The following CERS4 variants were observed in gnomAD, a reference collection of about 807,000 sequenced individuals.
The protein encoded by CERS4 is LAG1 homolog, ceramide synthase 4.
A neutral mutation model predicts 51.8 loss-of-function variants in CERS4; 65 were observed. The ratio of observed to expected loss-of-function variants is 1.26; its 90% confidence interval spans 1.03 to 1.54. The LOEUF is 1.54. CERS4 is among the 40% of genes most tolerant of loss of function. CERS4 has a pLI of 0.00. For synonymous variants in CERS4, 228 were observed against 208.4 expected (o/e 1.09, Z -0.81); for missense variants, 563 against 500.4 (o/e 1.13, Z -1.19).
intron 2 of CERS4, chr19:8,238,506 G>T: frequency 1.0e-6 from 1 of 985,370 alleles, no homozygotes; most frequent in Non-Finnish European, 1.2e-6. Flanking sequence ...GCATGGGGCT[G>T]AGGTAACCAG....
intron 10 of CERS4, among the ~76,000 whole-genome samples, chr19:8,259,259 A>G: frequency 6.6e-6 from 1 of 152,250 alleles, no homozygotes; most frequent in African/African-American, 2.4e-5. Context: ...GAGGGACAGA[A>G]CCACGTTGAT....
intron 2 of CERS4, chr19:8,214,484 G>A (rs1967208780): frequency 6.5e-6 from 1 of 152,814 alleles, no homozygotes; most frequent in Non-Finnish European, 1.5e-5. Flanking sequence ...CAGGCATGGT[G>A]TGTTGGAGGA....
At position 8,260,651 on chromosome 19, in the gene CERS4, TAAAG is replaced by T. The variant is rs529021498; in HGVS notation, c.849-1034_849-1031del. On this transcript the variant is annotated intron_variant, in intron 10 of 11. Transcript: ENST00000251363. The stretch of plus-strand genomic sequence containing the variant: ...ATAACAGTGGGATTGGAGTTGATGA[TAAAG>T]AACCAGCAGGAAGGCTGGGTGCGGC... Among the ~76,000 whole-genome samples the T allele has an allele frequency of 3.2e-4, 48 of 151,380 alleles. No individual in the cohort carries two copies. In the East Asian group the frequency reaches 9.1e-3, roughly 29 times the overall value.
chr19:8,221,153 GAGAC>G (rs1426473968), intron 2 of CERS4, among the ~76,000 whole-genome samples: 3 of 148,342 alleles, frequency 2.0e-5, no homozygotes. Flanking sequence ...TTTTTAAACA[GAGAC>G]AGGGTCTCGC....
intron 2 of CERS4, among the ~76,000 whole-genome samples, chr19:8,224,300 A>C (rs1599524522): frequency 7.3e-6 from 1 of 137,510 alleles, no homozygotes; most frequent in South Asian, 2.4e-4. Flanking sequence ...CCAGCTACTC[A>C]GGAGGCTGAG....
At chr19:8,221,872 GTTTTTTTTTTTT>G (rs71165297) in intron 2 of CERS4, among the ~76,000 whole-genome samples, 482 of 39,488 alleles carry the variant, frequency 0.012, 9 homozygotes, top group African/African-American at 0.041. Flanking sequence ...ATTTTTTTAT[GTTTTTTTTTTTT>G]TTTTTTTTTT....
At chr19:8,223,529 G>T (rs1222092544) in intron 2 of CERS4, among the ~76,000 whole-genome samples, 2 of 152,178 alleles carry the variant, frequency 1.3e-5, no homozygotes, top group African/African-American at 4.8e-5. Flanking sequence ...TGAGGCAGGA[G>T]AATCACTTGA....
Position 8,261,740 on chromosome 19 carries a change from G to A in CERS4, c.901G>A (p.Gly301Ser), listed in dbSNP as rs2288413. The A allele has an allele frequency of 4.0e-5, 64 of 1,614,046 alleles. No homozygotes were observed. The East Asian group carries it at 1.1e-3, about 27-fold the overall frequency. The change falls in exon 11 of 12, where the codon GGC (glycine) becomes AGC (serine). Residue 301 changes from glycine to serine, a missense_variant. By Grantham distance (56) the Gly-to-Ser change is moderately conservative. Transcript: ENST00000251363. ...CATCAGCAACAGGGGCCCCTTCTTC[G>A]GCTACTACTTCTTCAACGGGCTTCT... ...ESISNRGPFF[G>S]YYFFNGLLML...
At chr19:8,260,645 T>G (rs1413726427) in intron 10 of CERS4, among the ~76,000 whole-genome samples, 2 of 151,406 alleles carry the variant, frequency 1.3e-5, no homozygotes, top group Non-Finnish European at 1.5e-5. Context: ...GGATTGGAGT[T>G]GATGATAAAG....
intron 2 of CERS4, among the ~76,000 whole-genome samples, chr19:8,219,073 G>A (rs1599512493): frequency 6.6e-6 from 1 of 152,116 alleles, no homozygotes; most frequent in East Asian, 1.9e-4. Context: ...TGGGCATGGT[G>A]GCGGGCGCCT....
At chr19:8,252,422 A>T (rs1969134387) in intron 3 of CERS4, among the ~76,000 whole-genome samples, 2 of 128,924 alleles carry the variant, frequency 1.6e-5, no homozygotes, top group East Asian at 4.4e-4. Context: ...GACTGTAGGC[A>T]TGCCACCATG....
In CERS4 at chr19:8,255,576, G is replaced by A. The variant is rs147152126; in HGVS notation, c.292-31G>A. Reference sequence around the variant, plus strand: ...TGGGGGAAGCCACCACAGGGCCTCTGTGACCCTTGTCCTCATCACCCCCTC... The same window carrying A: ...TGGGGGAAGCCACCACAGGGCCTCTATGACCCTTGTCCTCATCACCCCCTC... On this transcript the variant is annotated intron_variant, in intron 4 of 11. Transcript: ENST00000251363. 460 of 1,584,356 alleles carry A rather than the reference G, an allele frequency of 2.9e-4. 5 individuals carry two copies. In the East Asian group the frequency reaches 8.7e-3, roughly 30 times the overall value.
intron 10 of CERS4, 24 bp from the exon 11 acceptor site, chr19:8,261,664 C>A (rs780475833): frequency 3.7e-6 from 6 of 1,613,254 alleles, no homozygotes; most frequent in Non-Finnish European, 3.4e-6. Context: ...AAACCCCAGC[C>A]TCCTCCTCTC....
intron 2 of CERS4, among the ~76,000 whole-genome samples, chr19:8,237,564 A>C (rs1177019314): frequency 6.7e-6 from 1 of 148,164 alleles, no homozygotes; most frequent in Admixed American, 6.8e-5. Flanking sequence ...AAACAGAAAA[A>C]AGTAGGCCAG....
intron 2 of CERS4, among the ~76,000 whole-genome samples, chr19:8,213,213 TAG>T (rs1273134596): frequency 6.6e-6 from 1 of 151,852 alleles, no homozygotes; most frequent in African/African-American, 2.4e-5. Context: ...AGTGATTTTG[TAG>T]AGTTTTGCCA....
At chr19:8,226,826 C>T (rs1967808510) in intron 2 of CERS4, among the ~76,000 whole-genome samples, 1 of 152,022 alleles carries the variant, frequency 6.6e-6, no homozygotes, top group East Asian at 1.9e-4. Flanking sequence ...AACCCCGTCT[C>T]TACTAAAAAC....
chr19:8,212,237 C>G (rs977086288), intron 2 of CERS4, among the ~76,000 whole-genome samples: 2 of 152,070 alleles, frequency 1.3e-5, no homozygotes. Flanking sequence ...AAGGCAGGAG[C>G]CTGGAGACCA....
At chr19:8,253,055 T>C (rs1969170079) in intron 3 of CERS4, among the ~76,000 whole-genome samples, 1 of 152,226 alleles carries the variant, frequency 6.6e-6, no homozygotes, top group South Asian at 2.1e-4. Context: ...CTCCGCATCA[T>C]GATTTATTCT....
intron 2 of CERS4, among the ~76,000 whole-genome samples, chr19:8,228,649 T>C (rs1407245636): frequency 6.7e-6 from 1 of 150,350 alleles, no homozygotes; most frequent in Non-Finnish European, 1.5e-5. Context: ...CACTGCAGCC[T>C]GGGCAACAAG....
Sources: allele counts gnomAD v4.1 joint callset (sites outside exome capture counted in the v4.1 genomes callset), GRCh38; gene constraint gnomAD v4.1.1; transcripts MANE v1.5; gene names NCBI Gene and HGNC (gene_info 2026-07-23, HGNC 2026-07-21).